RPP30: variants seen among roughly 807,000 people sequenced by gnomAD.
The protein encoded by RPP30 is ribonuclease P/MRP subunit p30.
RPP30 carries 36 observed loss-of-function variants against 38.6 expected under a neutral mutation model. That is an observed-to-expected ratio of 0.93 (90% CI 0.71 to 1.23). RPP30 has a LOEUF of 1.23. Among genes scored for constraint, RPP30 ranks in the 50% most tolerant of loss-of-function variants. RPP30 has a pLI of 0.00. For synonymous variants in RPP30, 126 were observed against 112.7 expected, an observed-to-expected ratio of 1.12 and a Z score of -0.75; for missense variants, 321 against 321.7, an observed-to-expected ratio of 1.00 and a Z score of 0.02.
chr10:90,875,632 T>G lies in RPP30; in HGVS notation c.195+18T>G. 1 of 1,599,532 alleles carries G rather than the reference T, an allele frequency of 6.3e-7. No individual in the cohort carries two copies. Among genetic ancestry groups the G allele is most frequent in the Non-Finnish European group, 8.6e-7 (1 of 1,166,880 alleles). On this transcript the variant is annotated intron_variant, in intron 3 of 10. Transcript: ENST00000371703. ...TTGTACAGGTAGGTGTTTTGTTGTT[T>G]ACGAAGCATAATATCTATTTATTCA...
At chr10:90,893,510 A>G (rs1847106212) in intron 6 of RPP30, among the ~76,000 whole-genome samples, 1 of 152,192 alleles carries the variant, frequency 6.6e-6, no homozygotes, top group Non-Finnish European at 1.5e-5. Flanking sequence ...TATGCTGAAA[A>G]TCCTTCAGAT....
At chr10:90,873,664 T>G (rs1298265088) in intron 1 of RPP30, among the ~76,000 whole-genome samples, 3 of 152,150 alleles carry the variant, frequency 2.0e-5, no homozygotes, top group Non-Finnish European at 4.4e-5. Context: ...GGACATTGTT[T>G]AGTAGCCAAA....
intron 6 of RPP30, among the ~76,000 whole-genome samples, chr10:90,888,623 C>G (rs1368984386): frequency 6.6e-6 from 1 of 152,130 alleles, no homozygotes; most frequent in East Asian, 1.9e-4. Flanking sequence ...TGTCCACATT[C>G]ATCAGGAAGT....
chr10:90,872,139 C>G, intron 1 of RPP30, 71 bp downstream of exon 1: 1 of 1,300,888 alleles, frequency 7.7e-7, no homozygotes, highest in Non-Finnish European at 1.1e-6. Flanking sequence ...TCCGGAGTAA[C>G]TATTTCCTGA....
intron 6 of RPP30, among the ~76,000 whole-genome samples, chr10:90,889,963 C>G (rs746131563): frequency 6.6e-5 from 10 of 152,208 alleles, no homozygotes; most frequent in Non-Finnish European, 1.0e-4. Flanking sequence ...TGAATAATCA[C>G]ATGACTTCAG....
intron 10 of RPP30, among the ~76,000 whole-genome samples, chr10:90,898,461 A>G (rs1423554008): frequency 6.6e-6 from 1 of 152,200 alleles, no homozygotes; most frequent in East Asian, 1.9e-4. Context: ...TAATATTAGA[A>G]GAAATAAAGG....
intron 5 of RPP30, among the ~76,000 whole-genome samples, chr10:90,884,854 C>G (rs775363578): frequency 6.6e-6 from 1 of 152,182 alleles, no homozygotes; most frequent in Non-Finnish European, 1.5e-5. Context: ...CGTAGCCATC[C>G]TGGAAGTTTG....
chr10:90,886,529 T>G (rs1847001694), intron 6 of RPP30, among the ~76,000 whole-genome samples: 3 of 152,250 alleles, frequency 2.0e-5, no homozygotes, highest in Admixed American at 2.0e-4. Context: ...TTCCTTCTTC[T>G]GTCTTAATTT....
chr10:90,899,251 CTTA>C (rs553561574), intron 10 of RPP30, among the ~76,000 whole-genome samples: 44 of 152,134 alleles, frequency 2.9e-4, no homozygotes, highest in African/African-American at 1.0e-3. Flanking sequence ...TTTTGAGGTT[CTTA>C]TTATGTTGGC....
chr10:90,896,897 T>C (rs987392073), intron 10 of RPP30, among the ~76,000 whole-genome samples: 4 of 152,194 alleles, frequency 2.6e-5, no homozygotes, highest in Non-Finnish European at 4.4e-5. Context: ...TCAAGTTGTG[T>C]CCAGACTGTA....
chr10:90,890,016 T>C (rs189455070), intron 6 of RPP30, among the ~76,000 whole-genome samples: 11 of 152,348 alleles, frequency 7.2e-5, no homozygotes, highest in Non-Finnish European at 1.3e-4. Flanking sequence ...ATACCTGCTT[T>C]GGCCCAGCAG....
chr10:90,880,380 C>T lies in RPP30; in HGVS notation c.342+1246C>T, dbSNP rs1341839606. On this transcript the variant is annotated intron_variant, in intron 5 of 10. Coordinates refer to ENST00000371703, the MANE Select transcript of RPP30 (RefSeq NM_006413.5). ...TATTTATATTAACAGAGAAACAGCACAAATTATTTATGAGTGCCTACTCTT... is the reference window on the plus strand; with the variant it reads ...TATTTATATTAACAGAGAAACAGCATAAATTATTTATGAGTGCCTACTCTT... 2.6e-5 allele frequency among the ~76,000 whole-genome samples: 4 copies of T among 152,102 alleles called. No homozygotes were observed. In the East Asian group the frequency reaches 7.7e-4, roughly 29 times the overall value.
At chr10:90,889,034 T>C (rs1446767605) in intron 6 of RPP30, among the ~76,000 whole-genome samples, 1 of 152,194 alleles carries the variant, frequency 6.6e-6, no homozygotes, top group Non-Finnish European at 1.5e-5. Context: ...ATTCACCTAT[T>C]TTTTATTAAA....
At chr10:90,902,706 T>TA (rs1847217522), downstream of RPP30, among the ~76,000 whole-genome samples, 2 of 152,354 alleles carry the variant, frequency 1.3e-5, no homozygotes, top group African/African-American at 4.8e-5. Context: ...TATGCATACA[T>TA]ATATATGTTC....
chr10:90,897,744 A>G (rs907213682), intron 10 of RPP30, among the ~76,000 whole-genome samples: 2 of 152,178 alleles, frequency 1.3e-5, no homozygotes, highest in African/African-American at 4.8e-5. Context: ...GACTTTAAGA[A>G]CTCAGCTATT....
chr10:90,898,587 A>T (rs1233051901), intron 10 of RPP30, among the ~76,000 whole-genome samples: 2 of 152,162 alleles, frequency 1.3e-5, no homozygotes, highest in African/African-American at 4.8e-5. Context: ...GCACTGAAAC[A>T]CTATTGGAAA....
intron 6 of RPP30, among the ~76,000 whole-genome samples, chr10:90,889,550 T>A (rs1377586849): frequency 6.6e-6 from 1 of 152,048 alleles, no homozygotes; most frequent in Non-Finnish European, 1.5e-5. Context: ...TGACCTCAAG[T>A]GATCCACCCG....
chr10:90,887,958 G>C (rs1847022489), intron 6 of RPP30, among the ~76,000 whole-genome samples: 1 of 152,130 alleles, frequency 6.6e-6, no homozygotes, highest in Non-Finnish European at 1.5e-5. Flanking sequence ...ATGTGCCCCA[G>C]GTACCTATGA....
intron 3 of RPP30, among the ~76,000 whole-genome samples, chr10:90,875,820 T>C (rs1264262861): frequency 6.6e-6 from 1 of 152,180 alleles, no homozygotes; most frequent in Non-Finnish European, 1.5e-5. Context: ...TCCTACAATT[T>C]TTAAATTATC....
Sources: gnomAD v4.1 joint callset for allele counts (sites outside exome capture counted in the v4.1 genomes callset) on GRCh38, gnomAD v4.1.1 for gene constraint, MANE v1.5 for transcripts, NCBI Gene and HGNC (gene_info 2026-07-23, HGNC 2026-07-21) for gene names.